The following IKBIP variants were observed in gnomAD, a reference collection of about 807,000 sequenced individuals.
IKBIP encodes inhibitor of nuclear factor kappa-B kinase-interacting protein.
Under a neutral mutation model 31.0 loss-of-function variants are expected in IKBIP, and 28 were observed. The ratio of observed to expected loss-of-function variants is 0.90; its 90% confidence interval spans 0.67 to 1.24. IKBIP has a LOEUF of 1.24. Among genes scored for constraint, IKBIP ranks in the 50% most tolerant of loss-of-function variants. The pLI, the probability that IKBIP is intolerant of heterozygous loss-of-function variation, is 0.00. For synonymous variants in IKBIP, 164 were observed against 160.3 expected, an observed-to-expected ratio of 1.02 and a Z score of -0.17; for missense variants, 453 against 441.9, an observed-to-expected ratio of 1.03 and a Z score of -0.23.
chr12:98,626,019 G>T lies in IKBIP; in HGVS notation c.1045C>A (p.His349Asn). The change falls in exon 3 of 3, where the codon CAT becomes AAT. Residue 349 changes from histidine to asparagine, a missense_variant. Coordinates refer to ENST00000299157, the MANE Select transcript of IKBIP (RefSeq NM_153687.4). ...NELDILKEKV[H>N]DFIAYSSTGE... is the part of the protein sequence containing the mutation. ...GTACTTGAGTATGCTATAAAATCATGAACTTTTTCTTTTAGAATATCCAGT... is the reference window on the plus strand; with the variant it reads ...GTACTTGAGTATGCTATAAAATCATTAACTTTTTCTTTTAGAATATCCAGT... 6.4e-7 allele frequency: 1 copy of T among 1,560,272 alleles called. No individual in the cohort carries two copies. The highest frequency in any genetic ancestry group is 1.2e-5 in the South Asian group (1 of 83,036).
chr12:98,619,211 T>C (rs183343173), intron 2 of IKBIP, among the ~76,000 whole-genome samples: 1 of 152,332 alleles, frequency 6.6e-6, no homozygotes, highest in East Asian at 1.9e-4. Context: ...GGAGGAAGTT[T>C]TGCAACATAG....
intron 1 of IKBIP, among the ~76,000 whole-genome samples, chr12:98,637,056 A>G (rs2097626353): frequency 6.6e-6 from 1 of 152,216 alleles, no homozygotes; most frequent in East Asian, 1.9e-4. Flanking sequence ...CTTTCGTATG[A>G]AGGTTGATTC....
intron 2 of IKBIP, among the ~76,000 whole-genome samples, chr12:98,627,550 T>G (rs2097615789): frequency 6.6e-6 from 1 of 151,770 alleles, no homozygotes; most frequent in Admixed American, 6.6e-5. Flanking sequence ...GCCATTCTCC[T>G]GCCTCAGCCT....
chr12:98,614,270 T>C (rs1565836002), exon 3 of IKBIP: 18 of 1,610,024 alleles, frequency 1.1e-5, no homozygotes, highest in Non-Finnish European at 1.5e-5. Context: ...AATTTCTTCC[T>C]GTAGACGCTT....
chr12:98,619,970 G>T (rs935606714), downstream of IKBIP, among the ~76,000 whole-genome samples: 1 of 150,892 alleles, frequency 6.6e-6, no homozygotes, highest in Non-Finnish European at 1.5e-5. Context: ...CCAGGCTGGA[G>T]TGCAGTGGTG....
intron 2 of IKBIP, among the ~76,000 whole-genome samples, chr12:98,630,372 T>G (rs1020689978): frequency 1.2e-3 from 70 of 60,426 alleles, no homozygotes; most frequent in African/African-American, 7.6e-3. Context: ...AACAAGAGCC[T>G]GGGCAAAAAA....
chr12:98,613,868 G>A (rs2097604640), exon 3 of IKBIP: 8 of 1,612,990 alleles, frequency 5.0e-6, no homozygotes, highest in Admixed American at 3.3e-5. Flanking sequence ...AAATCTATCT[G>A]TATGTTTGTC....
At chr12:98,620,843 C>T (rs10745832), downstream of IKBIP, among the ~76,000 whole-genome samples, 131,360 of 151,880 alleles carry the variant, frequency 0.86, 57,047 homozygotes, top group African/African-American at 0.94. Flanking sequence ...GAGACCCTCA[C>T]CTCTACTTTT....
Position 98,644,510 on chromosome 12 carries a change from C to T in IKBIP, c.179+13G>A. ...CACAGGAGGCCGGCCCAGGCAGCCT[C>T]GCGTCCACTTACCAGGCCAGGCCCA... On this transcript the variant is annotated intron_variant, in intron 1 of 2. Coordinates refer to ENST00000299157, the MANE Select transcript of IKBIP (RefSeq NM_153687.4). 27 of 1,578,494 alleles carry T rather than the reference C, an allele frequency of 1.7e-5. No individual in the cohort carries two copies. Among genetic ancestry groups the T allele is most frequent in the Non-Finnish European group, 2.2e-5 (26 of 1,164,566 alleles).
At chr12:98,631,789 C>T (rs1017695963) in intron 2 of IKBIP, among the ~76,000 whole-genome samples, 3 of 133,894 alleles carry the variant, frequency 2.2e-5, no homozygotes, top group Admixed American at 7.3e-5. Flanking sequence ...TGACCTCCCC[C>T]ACAAAAAAAA....
At chr12:98,638,626 C>T (rs922672710) in intron 1 of IKBIP, among the ~76,000 whole-genome samples, 3 of 151,616 alleles carry the variant, frequency 2.0e-5, no homozygotes, top group Non-Finnish European at 4.4e-5. Context: ...ATTCTGTTAC[C>T]CAGGCTGGAG....
chr12:98,624,689 G>A lies in IKBIP; in HGVS notation c.*1241C>T, dbSNP rs1020578233. Reference sequence around the variant, plus strand: ...AATCAATTCATAAAACAAATTTAGTGGTGTGGTTTGGGAAATCTTTAAAAT... The same window carrying A: ...AATCAATTCATAAAACAAATTTAGTAGTGTGGTTTGGGAAATCTTTAAAAT... On this transcript the variant is annotated 3_prime_UTR_variant, in exon 3 of 3. Transcript: ENST00000299157. 1.0e-5 allele frequency: 9 copies of A among 878,366 alleles called. No homozygotes were observed. Among genetic ancestry groups the A allele is most frequent in the Middle Eastern group, 5.8e-4 (1 of 1,718 alleles). The allele number at this position is 878,366 out of a possible 1,614,324, so 54.4% of individuals were successfully genotyped here.
rs998838087 is a variant in IKBIP, at chr12:98,624,663, A to G, written c.*1267T>C. On this transcript the variant is annotated 3_prime_UTR_variant, in exon 3 of 3. Coordinates refer to ENST00000299157, the MANE Select transcript of IKBIP (RefSeq NM_153687.4). ...ACATTATATAATTTCAAATAAAATA[A>G]AATCAATTCATAAAACAAATTTAGT... 5.7e-5 allele frequency: 50 copies of G among 884,572 alleles called. No homozygotes were observed. The highest frequency in any genetic ancestry group is 2.6e-5 in the Non-Finnish European group (19 of 738,322). The allele number at this position is 884,572 out of a possible 1,614,324, so 54.8% of individuals were successfully genotyped here. A position where few individuals can be genotyped will look rare whatever the true frequency, so the allele number is the denominator to read the frequency against.
rs747306543 is a variant in IKBIP at position 98,644,588 on chromosome 12, C to G, written c.114G>C (p.Gly38=). The change falls in exon 1 of 3, where the codon GGG becomes GGC. Residue 38 remains glycine (G), a synonymous_variant. Transcript: ENST00000299157. ...GGCACGTTCGGGGGTCTGCCCAGCC[C>G]CCGCCTCCGCTGCTCCGGGCCACGG... ...KTPVARSSGG[G]GWADPRTCLS... is the part of the protein sequence containing the mutation. 2 of 1,609,714 alleles carry G rather than the reference C, an allele frequency of 1.2e-6. No individual in the cohort carries two copies. The highest frequency in any genetic ancestry group is 1.7e-6 in the Non-Finnish European group (2 of 1,178,540).
At chr12:98,619,771 C>T (rs958809162), downstream of IKBIP, among the ~76,000 whole-genome samples, 3 of 148,626 alleles carry the variant, frequency 2.0e-5, no homozygotes, top group Non-Finnish European at 3.0e-5. Context: ...AATAGCCGGG[C>T]TGAGCTGGGA....
chr12:98,625,250 C>T lies in IKBIP; in HGVS notation c.*680G>A, dbSNP rs1219270710. ...GGCCTTATGTAAGAACATACTTACT[C>T]TGATTTTAAAAGTCTTACAAGTATC... On this transcript the variant is annotated 3_prime_UTR_variant, in exon 3 of 3. Transcript: ENST00000299157. 4.1e-6 allele frequency: 4 copies of T among 978,860 alleles called. No individual in the cohort carries two copies. The highest frequency in any genetic ancestry group is 3.5e-5 in the African/African-American group (2 of 57,114). The allele number at this position is 978,860 out of a possible 1,614,324, so 60.6% of individuals were successfully genotyped here.
chr12:98,622,602 G>A (rs1251234447), downstream of IKBIP, among the ~76,000 whole-genome samples: 1 of 151,936 alleles, frequency 6.6e-6, no homozygotes, highest in African/African-American at 2.4e-5. Context: ...TGCAAATATG[G>A]GGTAAGTCTA....
chr12:98,614,736 T>C (rs2097605328), intron 2 of IKBIP, among the ~76,000 whole-genome samples: 1 of 152,230 alleles, frequency 6.6e-6, no homozygotes, highest in Non-Finnish European at 1.5e-5. Context: ...CTGCCTTATG[T>C]TATTTTTTAA....
At chr12:98,640,441 TCAAAA>T (rs71931367) in intron 1 of IKBIP, among the ~76,000 whole-genome samples, 58,316 of 148,866 alleles carry the variant, frequency 0.39, 11,764 homozygotes, top group African/African-American at 0.47. Flanking sequence ...ACTCCATCTC[TCAAAA>T]CAAAACAAAA....
Sources: gnomAD v4.1 joint callset for allele counts (sites outside exome capture counted in the v4.1 genomes callset) on GRCh38, gnomAD v4.1.1 for gene constraint, MANE v1.5 for transcripts, NCBI Gene and HGNC (gene_info 2026-07-23, HGNC 2026-07-21) for gene names.